FIRRM: variants seen among roughly 807,000 people sequenced by gnomAD.
FIRRM encodes the protein FIGNL1-interacting regulator of recombination and mitosis.
the FIRRM span, among the ~76,000 whole-genome samples, chr1:169,824,128 G>A: frequency 2.0e-5 from 3 of 152,014 alleles, no homozygotes; most frequent in South Asian, 4.1e-4. Context: ...ATTCCTCACT[G>A]TCAATGACCT....
chr1:169,802,389 A>C, the FIRRM span, among the ~76,000 whole-genome samples: 4 of 152,202 alleles, frequency 2.6e-5, no homozygotes, highest in African/African-American at 9.6e-5. Context: ...GATTCAAACC[A>C]TAGAAATGGA....
At chr1:169,842,428 G>C in the FIRRM span, 67 of 1,613,664 alleles carry the variant, frequency 4.2e-5, no homozygotes, top group South Asian at 6.7e-4. Flanking sequence ...ACACAGTACT[G>C]TCTGCTTTGC....
At chr1:169,853,834 C>T in the FIRRM span, 7 of 1,577,102 alleles carry the variant, frequency 4.4e-6, no homozygotes, top group South Asian at 5.6e-5. Flanking sequence ...AAATCATACG[C>T]AAATTTGAAA....
chr1:169,845,308 T>C, the FIRRM span, among the ~76,000 whole-genome samples: 4 of 152,322 alleles, frequency 2.6e-5, no homozygotes, highest in East Asian at 7.7e-4. Flanking sequence ...CAGCAAAACA[T>C]AATCTTTTTG....
the FIRRM span, chr1:169,829,138 A>G: frequency 7.7e-6 from 6 of 778,508 alleles, no homozygotes; most frequent in East Asian, 1.2e-4. Flanking sequence ...GTTGGAAACT[A>G]TTGCTGATTA....
chr1:169,850,711 G>T, the FIRRM span: 1 of 174,264 alleles, frequency 5.7e-6, no homozygotes, highest in Non-Finnish European at 1.2e-5. Flanking sequence ...CAGGAGAATT[G>T]CTTGAACTGG....
At chr1:169,847,332 AAAAAAAAAG>A in the FIRRM span, among the ~76,000 whole-genome samples, 2 of 151,498 alleles carry the variant, frequency 1.3e-5, no homozygotes, top group African/African-American at 4.8e-5. Context: ...AAAAAAAAAA[AAAAAAAAAG>A]CAGTATCTTC....
At chr1:169,849,350 A>G in the FIRRM span, 1 of 599,306 alleles carries the variant, frequency 1.7e-6, no homozygotes, top group Non-Finnish European at 2.9e-6. Flanking sequence ...TTTGAGTAAA[A>G]GAGTGACATT....
At chr1:169,844,178 A>G in the FIRRM span, among the ~76,000 whole-genome samples, 1 of 152,242 alleles carries the variant, frequency 6.6e-6, no homozygotes, top group African/African-American at 2.4e-5. Flanking sequence ...CTTTGAAAAA[A>G]TAAAATTATT....
the FIRRM span, chr1:169,830,617 T>A: frequency 3.6e-4 from 487 of 1,351,906 alleles, no homozygotes; most frequent in Non-Finnish European, 4.9e-4. Context: ...ATCAGAATAT[T>A]TAGTGCTTTA....
the FIRRM span, among the ~76,000 whole-genome samples, chr1:169,848,751 G>A: frequency 6.6e-6 from 1 of 152,104 alleles, no homozygotes; most frequent in Non-Finnish European, 1.5e-5. Flanking sequence ...CTTCATTTGT[G>A]AACCACTATG....
chr1:169,807,919 C>G, the FIRRM span: 6 of 1,602,152 alleles, frequency 3.7e-6, no homozygotes, highest in Admixed American at 1.8e-5. Context: ...ATGACACAGT[C>G]AGATGCACAG....
At chr1:169,833,978 A>G in the FIRRM span, among the ~76,000 whole-genome samples, 5,404 of 149,126 alleles carry the variant, frequency 0.036, 116 homozygotes, top group Admixed American at 0.065. Flanking sequence ...GGTGTGAGCT[A>G]TTGAGCTCAG....
At chr1:169,821,739 T>G in the FIRRM span, 1 of 1,609,924 alleles carries the variant, frequency 6.2e-7, no homozygotes, top group Non-Finnish European at 8.5e-7. Flanking sequence ...TTTTGCCAAC[T>G]CCCTTTTGCA....
the FIRRM span, among the ~76,000 whole-genome samples, chr1:169,825,091 C>CA: frequency 6.6e-6 from 1 of 152,210 alleles, no homozygotes; most frequent in Non-Finnish European, 1.5e-5. Flanking sequence ...TCAGTGCACA[C>CA]ACGCACACGT....
At chr1:169,840,436 C>T in the FIRRM span, among the ~76,000 whole-genome samples, 1 of 151,524 alleles carries the variant, frequency 6.6e-6, no homozygotes, top group Non-Finnish European at 1.5e-5. Context: ...AGAGATCTTT[C>T]ACCTCCTTGG....
the FIRRM span, among the ~76,000 whole-genome samples, chr1:169,835,416 A>G: frequency 1.3e-5 from 2 of 152,208 alleles, no homozygotes; most frequent in Admixed American, 1.3e-4. Context: ...GAGGTTACCT[A>G]CTTGAGGGAA....
chr1:169,823,390 A>G, the FIRRM span: 2 of 1,538,054 alleles, frequency 1.3e-6, no homozygotes, highest in Non-Finnish European at 9.0e-7. Flanking sequence ...AAGAATGAAT[A>G]GAGTTGTTTT....
the FIRRM span, among the ~76,000 whole-genome samples, chr1:169,791,335 T>C: frequency 2.0e-5 from 3 of 152,248 alleles, no homozygotes; most frequent in South Asian, 4.1e-4. Flanking sequence ...CATATAATTA[T>C]ACATAAACTA....
Sources: allele counts gnomAD v4.1 joint callset (sites outside exome capture counted in the v4.1 genomes callset), GRCh38; gene constraint gnomAD v4.1.1; transcripts MANE v1.5; gene names NCBI Gene and HGNC (gene_info 2026-07-23, HGNC 2026-07-21).